CTNNA3: variants seen among roughly 807,000 people sequenced by gnomAD.
The protein encoded by CTNNA3 is catenin alpha 3, also known as catenin alpha-3.
A neutral mutation model predicts 95.7 loss-of-function variants in CTNNA3; 76 were observed. The observed-to-expected ratio is 0.79, with a 90% CI of 0.66 to 0.96. The LOEUF (loss-of-function observed/expected upper bound fraction) is 0.96. Among genes scored for constraint, CTNNA3 ranks in the 40% least tolerant of loss-of-function variants. The probability of loss-of-function intolerance (pLI) is 0.00; values close to 1 mark genes in which losing one functional copy is unlikely to be tolerated. For synonymous variants in CTNNA3, 431 were observed against 374.4 expected, an observed-to-expected ratio of 1.15 and a Z score of -1.74; for missense variants, 1,191 against 1,089.8, an observed-to-expected ratio of 1.09 and a Z score of -1.31.
chr10:66,033,499 T>C (rs976126496), intron 15 of CTNNA3, among the ~76,000 whole-genome samples: 1 of 152,092 alleles, frequency 6.6e-6, no homozygotes, highest in African/African-American at 2.4e-5. Context: ...TTCTAAATCT[T>C]GTGTGCATGT....
intron 3 of CTNNA3, among the ~76,000 whole-genome samples, chr10:67,554,630 G>C (rs965691948): frequency 6.6e-6 from 1 of 152,106 alleles, no homozygotes; most frequent in African/African-American, 2.4e-5. Context: ...ATTTGTTTAA[G>C]TTCTTTGTAG....
intron 5 of CTNNA3, among the ~76,000 whole-genome samples, chr10:67,502,126 T>C (rs928626735): frequency 1.3e-5 from 2 of 152,226 alleles, no homozygotes; most frequent in Non-Finnish European, 2.9e-5. Context: ...TGGTCTTTGA[T>C]GCTGGTGACC....
intron 5 of CTNNA3, among the ~76,000 whole-genome samples, chr10:67,240,183 G>A (rs898849480): frequency 6.6e-6 from 1 of 152,160 alleles, no homozygotes; most frequent in Non-Finnish European, 1.5e-5. Context: ...ATAAAAAGAG[G>A]TTTTGTTTGT....
At chr10:66,272,980 G>A (rs1466389318) in intron 13 of CTNNA3, among the ~76,000 whole-genome samples, 1 of 152,172 alleles carries the variant, frequency 6.6e-6, no homozygotes, top group Non-Finnish European at 1.5e-5. Context: ...CCCTGTGGCT[G>A]TGACTTTTGA....
chr10:66,528,193 G>C (rs1237774427), intron 10 of CTNNA3, among the ~76,000 whole-genome samples: 1 of 152,064 alleles, frequency 6.6e-6, no homozygotes, highest in Non-Finnish European at 1.5e-5. Flanking sequence ...TGTGCATTAG[G>C]TTGTCTGACA....
At chr10:66,779,874 C>T (rs1840461844) in intron 7 of CTNNA3, among the ~76,000 whole-genome samples, 1 of 152,150 alleles carries the variant, frequency 6.6e-6, no homozygotes, top group Non-Finnish European at 1.5e-5. Flanking sequence ...GAACTAGTCG[C>T]TGCCTTTCAG....
chr10:67,205,459 A>C (rs1172183876), intron 6 of CTNNA3, among the ~76,000 whole-genome samples: 1 of 152,198 alleles, frequency 6.6e-6, no homozygotes, highest in African/African-American at 2.4e-5. Flanking sequence ...TATAGGCATC[A>C]GAGTTTTGTA....
Position 66,279,621 on chromosome 10 carries a change from G to C in CTNNA3, c.1884+849C>G, listed in dbSNP as rs1319833259. Among the ~76,000 whole-genome samples, 3 of 151,894 alleles carry C rather than the reference G, an allele frequency of 2.0e-5. No individual in the cohort carries two copies. The Admixed American group carries it at 2.0e-4, about 10-fold the overall frequency. On this transcript the variant is annotated intron_variant, in intron 13 of 17. Transcript: ENST00000433211. ...CAGTACTACCCAGAGTTTAACAGCAGGATCAAGCCCCAAGCCCCAGTTGCC... is the reference window on the plus strand; with the variant it reads ...CAGTACTACCCAGAGTTTAACAGCACGATCAAGCCCCAAGCCCCAGTTGCC...
intron 13 of CTNNA3, among the ~76,000 whole-genome samples, chr10:66,151,196 T>C (rs989401773): frequency 6.6e-6 from 1 of 151,994 alleles, no homozygotes; most frequent in Non-Finnish European, 1.5e-5. Flanking sequence ...CAGAATGTCA[T>C]GTCTAAATTG....
intron 13 of CTNNA3, among the ~76,000 whole-genome samples, chr10:66,180,835 G>T (rs2086001873): frequency 6.6e-6 from 1 of 152,104 alleles, no homozygotes; most frequent in African/African-American, 2.4e-5. Context: ...AGCTAAGCTT[G>T]AAGTGAAACA....
At chr10:67,639,806 G>A (rs964720854) in intron 2 of CTNNA3, among the ~76,000 whole-genome samples, 27 of 151,960 alleles carry the variant, frequency 1.8e-4, no homozygotes, top group African/African-American at 6.0e-4. Context: ...AAATTCAACA[G>A]CCCTTCATGC....
chr10:67,292,825 T>G (rs1839889930), intron 5 of CTNNA3, among the ~76,000 whole-genome samples: 1 of 152,154 alleles, frequency 6.6e-6, no homozygotes, highest in Non-Finnish European at 1.5e-5. Flanking sequence ...CATTGTGGTT[T>G]GAGATGTGTT....
intron 13 of CTNNA3, among the ~76,000 whole-genome samples, chr10:66,113,257 G>A (rs960618288): frequency 5.3e-5 from 8 of 152,118 alleles, no homozygotes; most frequent in African/African-American, 1.9e-4. Context: ...AGCTTGAGAT[G>A]AATTCAATTT....
chr10:66,571,271 C>T (rs1842859332), intron 10 of CTNNA3, among the ~76,000 whole-genome samples: 1 of 152,204 alleles, frequency 6.6e-6, no homozygotes, highest in African/African-American at 2.4e-5. Context: ...ATTATCATGC[C>T]TGCTAGACCA....
chr10:67,687,659 A>G (rs1840759972), intron 1 of CTNNA3, among the ~76,000 whole-genome samples: 1 of 152,166 alleles, frequency 6.6e-6, no homozygotes, highest in Non-Finnish European at 1.5e-5. Context: ...TTCTCCTGAT[A>G]TCTGTGGCTG....
At chr10:66,397,938 C>T (rs1911482) in intron 11 of CTNNA3, among the ~76,000 whole-genome samples, 97,856 of 151,454 alleles carry the variant, frequency 0.65, 33,227 homozygotes, top group East Asian at 0.88. Context: ...GCAATTTTCC[C>T]ATCAAAATAA....
At chr10:67,664,266 A>C (rs1452604325) in intron 1 of CTNNA3, among the ~76,000 whole-genome samples, 1 of 152,156 alleles carries the variant, frequency 6.6e-6, no homozygotes, top group African/African-American at 2.4e-5. Context: ...AAGCTTCTTT[A>C]ATCTCTCTTC....
At chr10:67,037,336 T>A (rs577909059) in intron 7 of CTNNA3, among the ~76,000 whole-genome samples, 1 of 151,176 alleles carries the variant, frequency 6.6e-6, no homozygotes, top group Middle Eastern at 3.4e-3. Flanking sequence ...GCAGTTACTA[T>A]GTGGCAACAC....
chr10:66,801,283 C>G (rs1841420465), intron 7 of CTNNA3, among the ~76,000 whole-genome samples: 1 of 151,190 alleles, frequency 6.6e-6, no homozygotes, highest in African/African-American at 2.4e-5. Context: ...TTAGCCAGAT[C>G]ACAGGCTACA....
Sources: gnomAD v4.1 joint callset for allele counts (sites outside exome capture counted in the v4.1 genomes callset) on GRCh38, gnomAD v4.1.1 for gene constraint, MANE v1.5 for transcripts, NCBI Gene and HGNC (gene_info 2026-07-23, HGNC 2026-07-21) for gene names.